The following DIS3L2 variants were observed in gnomAD, a reference collection of about 807,000 sequenced individuals.
DIS3L2 encodes DIS3 like 3'-5' exoribonuclease 2.
DIS3L2 carries 34 observed loss-of-function variants against 97.5 expected under a neutral mutation model. The observed-to-expected ratio is 0.35, with a 90% CI of 0.27 to 0.46. The LOEUF (loss-of-function observed/expected upper bound fraction) is 0.46. DIS3L2 is among the 20% of genes least tolerant of loss of function. DIS3L2 has a pLI of 1.00. For missense variants in DIS3L2, 1,038 were observed against 1,146.0 expected (o/e 0.91, Z 1.36); for synonymous variants, 435 against 445.2 (o/e 0.98, Z 0.29).
chr2:231,985,430 G>A (rs1407128003), intron 1 of DIS3L2, among the ~76,000 whole-genome samples: 1 of 152,152 alleles, frequency 6.6e-6, no homozygotes, highest in East Asian at 1.9e-4. Flanking sequence ...CTTCATTGCT[G>A]AGTAGTATTC....
chr2:232,082,699 C>T (rs1046587749), intron 5 of DIS3L2, among the ~76,000 whole-genome samples: 1 of 152,188 alleles, frequency 6.6e-6, no homozygotes, highest in African/African-American at 2.4e-5. Flanking sequence ...TTAGTCCCTA[C>T]AACACTAATT....
At chr2:232,319,897 G>A (rs77605178) in intron 14 of DIS3L2, among the ~76,000 whole-genome samples, 1 of 152,326 alleles carries the variant, frequency 6.6e-6, no homozygotes, top group East Asian at 1.9e-4. Context: ...TGCCTGAAAG[G>A]ACTCAGGGCC....
At chr2:232,096,422 T>G (rs768888443) in intron 6 of DIS3L2, among the ~76,000 whole-genome samples, 6 of 152,138 alleles carry the variant, frequency 3.9e-5, no homozygotes, top group Non-Finnish European at 5.9e-5. Flanking sequence ...ATCTGCTTGG[T>G]GTTCTATAAC....
At position 232,256,982 on chromosome 2, in the gene DIS3L2, G is replaced by C. The variant is rs545159459; in HGVS notation, c.1426-6225G>C. Among the ~76,000 whole-genome samples the C allele has an allele frequency of 3.9e-4, 59 of 152,130 alleles. 1 individual carries two copies. Among genetic ancestry groups the C allele is most frequent in the Non-Finnish European group, 1.5e-4 (10 of 67,984 alleles). ...AAAATACAAAAATTAGCCAGGCATG[G>C]TGGTGGGCACCTGTAGTCCCAGCTA... On this transcript the variant is annotated intron_variant, in intron 12 of 20. Transcript: ENST00000325385.
intron 14 of DIS3L2, among the ~76,000 whole-genome samples, chr2:232,313,735 C>T (rs567069158): frequency 1.3e-5 from 2 of 152,348 alleles, no homozygotes; most frequent in Admixed American, 6.5e-5. Context: ...ATACCTGAGA[C>T]TGGGCAGTTT....
chr2:232,326,145 G>A (rs982433117), intron 14 of DIS3L2, among the ~76,000 whole-genome samples: 6 of 152,198 alleles, frequency 3.9e-5, no homozygotes, highest in African/African-American at 1.4e-4. Context: ...GGAGCGCCTA[G>A]GCTCTAAGCT....
intron 14 of DIS3L2, among the ~76,000 whole-genome samples, chr2:232,300,860 C>T (rs1367269816): frequency 5.9e-5 from 9 of 152,028 alleles, no homozygotes; most frequent in Non-Finnish European, 1.2e-4. Context: ...CCCTATGTTG[C>T]CCTGGTTGGT....
intron 1 of DIS3L2, among the ~76,000 whole-genome samples, chr2:231,975,857 A>C (rs1338843950): frequency 6.6e-6 from 1 of 152,082 alleles, no homozygotes; most frequent in Non-Finnish European, 1.5e-5. Flanking sequence ...CTTTTCTGGA[A>C]TACAATTCTA....
At chr2:232,059,651 G>T (rs1695647365) in intron 5 of DIS3L2, among the ~76,000 whole-genome samples, 1 of 151,996 alleles carries the variant, frequency 6.6e-6, no homozygotes, top group Non-Finnish European at 1.5e-5. Flanking sequence ...TTCCTCCTCT[G>T]GGAGTCCCCA....
rs1694996511 is a variant in DIS3L2 at position 232,037,911 on chromosome 2, G to C, written c.366+7831G>C. On this transcript the variant is annotated intron_variant, in intron 5 of 20. Coordinates refer to ENST00000325385, the MANE Select transcript of DIS3L2 (RefSeq NM_152383.5). This position sits in a 1 kb window ranked among gnomAD's most constrained non-coding sequence, Gnocchi z 4.6. ...TGAGATGAACCAGGTACCTCAGTTG[G>C]AAATGCAGAAATCACCAGCCTTCTG... Among the ~76,000 whole-genome samples, 1 of 152,218 alleles carries C rather than the reference G, an allele frequency of 6.6e-6. No individual in the cohort carries two copies. The highest frequency in any genetic ancestry group is 1.5e-5 in the Non-Finnish European group (1 of 68,030).
chr2:232,160,641 C>T lies in DIS3L2; in HGVS notation c.951-2818C>T, dbSNP rs779389392. On this transcript the variant is annotated intron_variant, in intron 8 of 20. Coordinates refer to ENST00000325385, the MANE Select transcript of DIS3L2 (RefSeq NM_152383.5). ...CTGTAATCCCAGCACTTTGGGAGGC[C>T]GAGGTGGGCAGATTGCTTGAGCTCA... Among the ~76,000 whole-genome samples, 5 of 151,986 alleles carry T rather than the reference C, an allele frequency of 3.3e-5. 1 individual carries two copies. Among genetic ancestry groups the T allele is most frequent in the South Asian group, 4.2e-4 (2 of 4,808 alleles).
intron 9 of DIS3L2, among the ~76,000 whole-genome samples, chr2:232,196,540 G>A (rs1691762420): frequency 6.6e-6 from 1 of 151,974 alleles, no homozygotes; most frequent in Non-Finnish European, 1.5e-5. Context: ...GCCTCCAGGG[G>A]GAATATTTTG....
In DIS3L2 at chr2:232,268,481, T is replaced by C. The variant is rs1256015729; in HGVS notation, c.1659+5041T>C. Reference sequence around the variant, plus strand: ...GACCAGATAGTAAATGGTTTAGGCTTTGTGGGCTGTGCAGTCTCTGTCTCT... The same window carrying C: ...GACCAGATAGTAAATGGTTTAGGCTCTGTGGGCTGTGCAGTCTCTGTCTCT... On this transcript the variant is annotated intron_variant, in intron 13 of 20. Transcript: ENST00000325385. The surrounding 1 kb of genome is among the most constrained non-coding windows in gnomAD (Gnocchi z 4.1). Among the ~76,000 whole-genome samples the C allele has an allele frequency of 3.3e-5, 5 of 152,186 alleles. No homozygotes were observed. The highest frequency in any genetic ancestry group is 1.2e-4 in the African/African-American group (5 of 41,442).
At chr2:232,322,372 C>A (rs1305052325) in intron 14 of DIS3L2, among the ~76,000 whole-genome samples, 1 of 152,220 alleles carries the variant, frequency 6.6e-6, no homozygotes, top group Non-Finnish European at 1.5e-5. Context: ...GCCTGGCAGT[C>A]TCCACATCCA....
intron 6 of DIS3L2, among the ~76,000 whole-genome samples, chr2:232,090,172 C>T (rs1026352803): frequency 5.9e-5 from 9 of 152,110 alleles, no homozygotes; most frequent in Non-Finnish European, 1.2e-4. Flanking sequence ...TGGCCTCAAG[C>T]GATCCTCCTG....
At chr2:231,981,102 C>T (rs1376027769) in intron 1 of DIS3L2, among the ~76,000 whole-genome samples, 3 of 152,022 alleles carry the variant, frequency 2.0e-5, no homozygotes, top group African/African-American at 2.4e-5. Context: ...CACCACCATG[C>T]CTGGCTAATT....
At chr2:232,337,908 T>C (rs946909725), downstream of DIS3L2, among the ~76,000 whole-genome samples, 2 of 150,766 alleles carry the variant, frequency 1.3e-5, no homozygotes, top group African/African-American at 4.9e-5. Flanking sequence ...AGCCTTTCCC[T>C]CCTCCAGGGC....
In DIS3L2 at chr2:232,336,571, G is replaced by C; in HGVS notation, c.2599G>C (p.Gly867Arg). 6.2e-7 allele frequency: 1 copy of C among 1,609,348 alleles called. No homozygotes were observed. Among genetic ancestry groups the C allele is most frequent in the Non-Finnish European group, 8.5e-7 (1 of 1,179,900 alleles). ...GCGGCCAGGCACCCAGGGCCACCTGGGCCCTGAGAAGGAGGAGGAGGAGTC... is the reference window on the plus strand; with the variant it reads ...GCGGCCAGGCACCCAGGGCCACCTGCGCCCTGAGAAGGAGGAGGAGGAGTC... ...LKRPGTQGHL[G>R]PEKEEEESDG... Residue 867 changes from glycine to arginine, a missense_variant, in exon 21 of 21, where the codon GGC becomes CGC. Physicochemically the swap from Gly to Arg is moderately radical, Grantham distance 125 (BLOSUM62 -2). Transcript: ENST00000325385.
chr2:232,089,869 C>T (rs1251137619), intron 6 of DIS3L2, among the ~76,000 whole-genome samples: 1 of 152,132 alleles, frequency 6.6e-6, no homozygotes, highest in Non-Finnish European at 1.5e-5. Context: ...TGGCATCCAA[C>T]CCAGAGTTTT....
Sources: allele counts gnomAD v4.1 joint callset (sites outside exome capture counted in the v4.1 genomes callset), GRCh38; gene constraint gnomAD v4.1.1; non-coding constraint Gnocchi (gnomAD v3.1); transcripts MANE v1.5; gene names NCBI Gene and HGNC (gene_info 2026-07-23, HGNC 2026-07-21).